The following OXTR variants were observed in gnomAD, a reference collection of about 807,000 sequenced individuals.
The protein encoded by OXTR is oxytocin receptor.
In OXTR, 19 loss-of-function variants were observed where a neutral mutation model predicts 23.9. That is an observed-to-expected ratio of 0.80 (90% confidence interval 0.56 to 1.17). The LOEUF is 1.17. OXTR is among the 50% of genes most tolerant of loss of function. OXTR has a pLI of 0.00. For missense variants in OXTR, 500 were observed against 550.7 expected, an observed-to-expected ratio of 0.91 and a Z score of 0.92; for synonymous variants, 278 against 250.5, an observed-to-expected ratio of 1.11 and a Z score of -1.04.
chr3:8,752,975 G>C lies in OXTR; in HGVS notation c.*2C>G. The C allele has an allele frequency of 1.2e-6, 2 of 1,608,828 alleles. No homozygotes were observed. The highest frequency in any genetic ancestry group is 1.7e-6 in the Non-Finnish European group (2 of 1,176,550). On this transcript the variant is annotated 3_prime_UTR_variant, in exon 4 of 4. Transcript: ENST00000316793. ...GCTGCAGCCCTGGCCCTGGCTGGTG[G>C]GTCACGCCGTGGATGGCTGGGAGCA...
chr3:8,760,421 T>A (rs1442570359), intron 3 of OXTR, among the ~76,000 whole-genome samples: 1 of 152,230 alleles, frequency 6.6e-6, no homozygotes, highest in Admixed American at 6.5e-5. Flanking sequence ...TTGCCAACTC[T>A]CTTCACTTGG....
At chr3:8,761,591 G>A (rs58933435) in intron 3 of OXTR, among the ~76,000 whole-genome samples, 6,898 of 152,250 alleles carry the variant, frequency 0.045, 406 homozygotes, top group African/African-American at 0.14. Flanking sequence ...ACTCAGCAGT[G>A]ATCGTGGGCA....
intron 3 of OXTR, among the ~76,000 whole-genome samples, chr3:8,759,652 T>C (rs960324425): frequency 6.6e-6 from 1 of 152,144 alleles, no homozygotes; most frequent in African/African-American, 2.4e-5. Context: ...AAGTTCGCCC[T>C]CAGATATGGT....
In OXTR at chr3:8,751,356, T is replaced by C. The variant is rs200372686; in HGVS notation, c.*1621A>G. 1 of 152,168 alleles carries C rather than the reference T, an allele frequency of 6.6e-6. No individual in the cohort carries two copies. The highest frequency in any genetic ancestry group is 1.5e-5 in the Non-Finnish European group (1 of 68,040). 9.4% of individuals were successfully genotyped at this position (152,168 alleles called of 1,614,324 possible). ...TTATCTTTTCACCTTCTTGATAGGG[T>C]CTTTTCAATCACAAAAGCTTCAAAT... On this transcript the variant is annotated 3_prime_UTR_variant, in exon 4 of 4. Coordinates refer to ENST00000316793, the MANE Select transcript of OXTR (RefSeq NM_000916.4).
chr3:8,745,112 G>C, the OXTR span: 1 of 203,244 alleles, frequency 4.9e-6, no homozygotes, highest in Non-Finnish European at 1.0e-5. The surrounding 1 kb of genome is among the most constrained non-coding windows in gnomAD (Gnocchi z 4.8). Flanking sequence ...GCTTAGTGCT[G>C]TCCTCACAAT....
chr3:8,756,992 A>G (rs1437705114), intron 3 of OXTR, among the ~76,000 whole-genome samples: 1 of 152,168 alleles, frequency 6.6e-6, no homozygotes, highest in Non-Finnish European at 1.5e-5. Context: ...CAGGAAAGGA[A>G]GCTGTTCACA....
Position 8,753,069 on chromosome 3 carries a change from T to C in OXTR, c.1078A>G (p.Thr360Ala), listed in dbSNP as rs1405089360. 6.2e-7 allele frequency: 1 copy of C among 1,614,078 alleles called. No individual in the cohort carries two copies. Among genetic ancestry groups the C allele is most frequent in the South Asian group, 1.1e-5 (1 of 91,076 alleles). ...GAGTTGCTCTTTTTGCTGGCACTCG[T>C]CTCTCCCAGGCGTCTGCCCTTCAGG... Reference protein sequence around the residue: ...SYLKGRRLGETSASKKSNSSS... With the variant: ...SYLKGRRLGEASASKKSNSSS... The change falls in exon 4 of 4, where the codon ACG becomes GCG. Residue 360 changes from threonine (T) to alanine (A), a missense_variant. Physicochemically the swap from Thr to Ala is moderately conservative, Grantham distance 58 (BLOSUM62 0). Coordinates refer to ENST00000316793, the MANE Select transcript of OXTR (RefSeq NM_000916.4).
intron 3 of OXTR, among the ~76,000 whole-genome samples, chr3:8,756,540 A>T (rs939958190): frequency 6.6e-6 from 1 of 152,200 alleles, no homozygotes; most frequent in African/African-American, 2.4e-5. Flanking sequence ...GCCTAATGTT[A>T]TGATTTGAGG....
intron 3 of OXTR, among the ~76,000 whole-genome samples, chr3:8,766,161 C>T (rs1708602323): frequency 6.6e-6 from 1 of 152,160 alleles, no homozygotes; most frequent in Non-Finnish European, 1.5e-5. Flanking sequence ...TATGGGATTG[C>T]CTTCAAACAA....
chr3:8,745,452 T>C (rs1708122262), downstream of OXTR: 6 of 1,155,618 alleles, frequency 5.2e-6, no homozygotes, highest in Non-Finnish European at 7.8e-6. The surrounding 1 kb of genome is among the most constrained non-coding windows in gnomAD (Gnocchi z 4.8). Context: ...TTCTGACACA[T>C]GCACGCACAC....
At chr3:8,759,881 C>T (rs1308483460) in intron 3 of OXTR, among the ~76,000 whole-genome samples, 1 of 152,194 alleles carries the variant, frequency 6.6e-6, no homozygotes, top group African/African-American at 2.4e-5. Flanking sequence ...ACACTGGACA[C>T]CACCTGGTTA....
In OXTR at chr3:8,767,420, G is replaced by GGCCACGCGCCCCCCATCGCCA. The variant is rs1708635928; in HGVS notation, c.747_767dup (p.Gly250_Ala256dup). On this transcript the variant is annotated inframe_insertion, in exon 3 of 4. Coordinates refer to ENST00000316793, the MANE Select transcript of OXTR (RefSeq NM_000916.4). ...GCTTGACGCTGCTGACACGCGCCAG[G>GGCCACGCGCCCCCCATCGCCA]GCCACGCGCCCCCCATCGCCAGCCG... 2 of 1,608,414 alleles carry GGCCACGCGCCCCCCATCGCCA rather than the reference G, an allele frequency of 1.2e-6. No homozygotes were observed. The highest frequency in any genetic ancestry group is 4.5e-5 in the East Asian group (2 of 44,646).
At chr3:8,763,022 G>A (rs1708523269) in intron 3 of OXTR, among the ~76,000 whole-genome samples, 1 of 152,170 alleles carries the variant, frequency 6.6e-6, no homozygotes, top group African/African-American at 2.4e-5. Context: ...ATCCCCTGGG[G>A]TAAAAGGCAT....
intron 3 of OXTR, among the ~76,000 whole-genome samples, chr3:8,754,721 G>A (rs559635424): frequency 1.3e-5 from 2 of 152,296 alleles, no homozygotes; most frequent in Non-Finnish European, 2.9e-5. Flanking sequence ...CATCACATGG[G>A]AACTTGCTGG....
intron 3 of OXTR, among the ~76,000 whole-genome samples, chr3:8,759,875 T>C (rs1451121964): frequency 6.6e-6 from 1 of 152,174 alleles, no homozygotes; most frequent in African/African-American, 2.4e-5. Context: ...GCTGGGACAC[T>C]GGACACCACC....
chr3:8,749,185 G>A (rs568305190), downstream of OXTR, among the ~76,000 whole-genome samples: 13 of 152,274 alleles, frequency 8.5e-5, no homozygotes, highest in African/African-American at 2.6e-4. Flanking sequence ...ATGCTCTCAA[G>A]GAGATGGGTG....
Position 8,767,605 on chromosome 3 carries a change from A to C in OXTR, c.583T>G (p.Trp195Gly). 6.2e-7 allele frequency: 1 copy of C among 1,613,420 alleles called. No individual in the cohort carries two copies. The highest frequency in any genetic ancestry group is 8.5e-7 in the Non-Finnish European group (1 of 1,179,788). The change falls in exon 3 of 4, where the codon TGG (tryptophan) becomes GGG (glycine). Residue 195 changes from tryptophan to glycine, a missense_variant. Coordinates refer to ENST00000316793, the MANE Select transcript of OXTR (RefSeq NM_000916.4). ...CATGTGATGTAGGCCTTGGGTCCCC[A>C]GGGCTGGATGAAGACGGCCCAGCAG... ...FDCWAVFIQP[W>G]GPKAYITWIT...
rs968389 is a variant in OXTR, at chr3:8,769,477, A to G, written c.-485T>C. The G allele has an allele frequency of 0.46, 70,433 of 152,274 alleles. 16,440 individuals carry two copies. The highest frequency in any genetic ancestry group is 0.65 in the East Asian group (3,382 of 5,166). 9.4% of individuals were successfully genotyped at this position (152,274 alleles called of 1,614,324 possible). On this transcript the variant is annotated 5_prime_UTR_variant, in exon 1 of 4. Transcript: ENST00000316793. The stretch of plus-strand genomic sequence containing the variant: ...CGCCTCCCAGGCTGCGCGCGCGGAC[A>G]GCGTCTGGATGCGGCGCTGTGCGCT...
At position 8,752,857 on chromosome 3, in the gene OXTR, A is replaced by G; in HGVS notation, c.*120T>C. ...CCACCCCACTGAAGCCACCCCAAGG[A>G]GGGGAGGGATACAAACTGATAGGTA... On this transcript the variant is annotated 3_prime_UTR_variant, in exon 4 of 4. Transcript: ENST00000316793. 9.2e-7 allele frequency: 1 copy of G among 1,090,278 alleles called. No homozygotes were observed. The highest frequency in any genetic ancestry group is 1.7e-5 in the South Asian group (1 of 60,566). 67.5% of individuals were successfully genotyped at this position (1,090,278 alleles called of 1,614,324 possible).
Sources: allele counts gnomAD v4.1 joint callset (sites outside exome capture counted in the v4.1 genomes callset), GRCh38; gene constraint gnomAD v4.1.1; non-coding constraint Gnocchi (gnomAD v3.1); transcripts MANE v1.5; gene names NCBI Gene and HGNC (gene_info 2026-07-23, HGNC 2026-07-21).